PTCHD1: variants seen among roughly 807,000 people sequenced by gnomAD.
PTCHD1 encodes patched domain containing 1, also known as patched domain-containing protein 1.
In PTCHD1, 3 loss-of-function variants were observed where a neutral mutation model predicts 34.6. The observed-to-expected ratio is 0.09, with a 90% CI of 0.04 to 0.22. The LOEUF (loss-of-function observed/expected upper bound fraction) is 0.22. PTCHD1 is among the 10% of genes least tolerant of loss of function. The probability of loss-of-function intolerance (pLI) is 1.00; values close to 1 mark genes in which losing one functional copy is unlikely to be tolerated. For missense variants in PTCHD1, 504 were observed against 685.5 expected, an observed-to-expected ratio of 0.74 and a Z score of 2.96; for synonymous variants, 305 against 283.1, an observed-to-expected ratio of 1.08 and a Z score of -0.77.
chrX:23,397,388 C>A lies in PTCHD1; in HGVS notation c.*3203C>A, dbSNP rs1291738859. 2 of 112,311 alleles carry A rather than the reference C, an allele frequency of 1.8e-5. No individual in the cohort carries two copies. The highest frequency in any genetic ancestry group is 3.8e-5 in the Non-Finnish European group (2 of 53,317). 9.3% of individuals were successfully genotyped at this position (112,311 alleles called of 1,213,427 possible). A position where few individuals can be genotyped will look rare whatever the true frequency, so the allele number is the denominator to read the frequency against. On this transcript the variant is annotated 3_prime_UTR_variant, in exon 3 of 3. Coordinates refer to ENST00000379361, the MANE Select transcript of PTCHD1 (RefSeq NM_173495.3). Reference sequence around the variant, plus strand: ...TTCAACAAGCAGCATCAGGGCTCCTCAGGTTAAAAGAAGTACAGTTTGTTT... The same window carrying A: ...TTCAACAAGCAGCATCAGGGCTCCTAAGGTTAAAAGAAGTACAGTTTGTTT...
chrX:23,397,550 T>C lies in PTCHD1; in HGVS notation c.*3365T>C, dbSNP rs1352980841. On this transcript the variant is annotated 3_prime_UTR_variant, in exon 3 of 3. Coordinates refer to ENST00000379361, the MANE Select transcript of PTCHD1 (RefSeq NM_173495.3). Reference sequence around the variant, plus strand: ...TTTAATTTGGTTTGTGGTTTGTGTTTGCTTGTGTTTGCTTCTGCCTTTCCT... The same window carrying C: ...TTTAATTTGGTTTGTGGTTTGTGTTCGCTTGTGTTTGCTTCTGCCTTTCCT... The C allele has an allele frequency of 8.9e-6, 1 of 112,307 alleles. No homozygotes were observed. The highest frequency in any genetic ancestry group is 1.9e-5 in the Non-Finnish European group (1 of 53,287). The allele number at this position is 112,307 out of a possible 1,213,427, so 9.3% of individuals were successfully genotyped here.
At chrX:23,385,975 A>G (rs1569141411) in intron 2 of PTCHD1, among the ~76,000 whole-genome samples, 1 of 111,106 alleles carries the variant, frequency 9.0e-6, no homozygotes, top group South Asian at 3.7e-4. Flanking sequence ...AACATATATT[A>G]TGTAATATAT....
In PTCHD1 at chrX:23,342,292, ATATATATATATATATATATTTTT is replaced by A. The variant is rs1478916497; in HGVS notation, c.351+7068_351+7090del. Among the ~76,000 whole-genome samples, 46 of 7,059 alleles carry A rather than the reference ATATATATATATATATATATTTTT, an allele frequency of 6.5e-3. 1 individual carries two copies. The highest frequency in any genetic ancestry group is 0.047 in the African/African-American group (43 of 923). 6.1% of individuals were successfully genotyped at this position (7,059 alleles called of 115,157 possible). A position where few individuals can be genotyped will look rare whatever the true frequency, so the allele number is the denominator to read the frequency against. On this transcript the variant is annotated intron_variant, in intron 1 of 2. Transcript: ENST00000379361. ...TATATATATATATATATATATATAT[ATATATATATATATATATATTTTT>A]TTTTTTTTTTTTTTTTTAAAAGAAT...
intron 1 of PTCHD1, among the ~76,000 whole-genome samples, chrX:23,366,147 T>G (rs762868611): frequency 3.2e-4 from 36 of 112,232 alleles, no homozygotes; most frequent in African/African-American, 1.1e-3. Context: ...TCTGTCTCCT[T>G]CAAGCTAGTA....
At chrX:23,382,866 C>T (rs1430978733) in intron 2 of PTCHD1, among the ~76,000 whole-genome samples, 2 of 112,325 alleles carry the variant, frequency 1.8e-5, no homozygotes, top group Non-Finnish European at 3.8e-5. Context: ...ACACTTTGCA[C>T]GATGTAATGG....
intron 2 of PTCHD1, among the ~76,000 whole-genome samples, chrX:23,389,822 C>G (rs1167089416): frequency 9.0e-6 from 1 of 111,708 alleles, no homozygotes; most frequent in Non-Finnish European, 1.9e-5. Context: ...GCAAAAAGAG[C>G]CAGGACTCAA....
intron 2 of PTCHD1, among the ~76,000 whole-genome samples, chrX:23,384,442 G>T (rs1258063857): frequency 1.8e-5 from 2 of 111,971 alleles, no homozygotes; most frequent in Non-Finnish European, 3.8e-5. Flanking sequence ...TTTCTAATTT[G>T]CGGATTAGTG....
chrX:23,360,434 G>A (rs1262399842), intron 1 of PTCHD1, among the ~76,000 whole-genome samples: 1 of 112,021 alleles, frequency 8.9e-6, no homozygotes, highest in African/African-American at 3.2e-5. Context: ...GTTTATTTGT[G>A]TAGAGATGTT....
At chrX:23,334,584 G>A (rs1258826630), upstream of PTCHD1, 2 of 107,326 alleles carry the variant, frequency 1.9e-5, no homozygotes, top group Non-Finnish European at 3.9e-5. Context: ...GAGGGCGCAC[G>A]CGGTAGGGCG....
chrX:23,354,271 T>C (rs1921734235), intron 1 of PTCHD1, among the ~76,000 whole-genome samples: 1 of 110,745 alleles, frequency 9.0e-6, no homozygotes, highest in Non-Finnish European at 1.9e-5. Flanking sequence ...TTTCCATTTG[T>C]TTTATGTTGA....
chrX:23,380,439 C>A, intron 2 of PTCHD1, 188 bp downstream of exon 2: 2 of 504,438 alleles, frequency 4.0e-6, no homozygotes, highest in Non-Finnish European at 7.0e-6. Context: ...GGTAAATGTG[C>A]CAGAAGTTCA....
At chrX:23,387,676 T>A (rs903657420) in intron 2 of PTCHD1, among the ~76,000 whole-genome samples, 5 of 111,831 alleles carry the variant, frequency 4.5e-5, no homozygotes, top group Non-Finnish European at 7.5e-5. Context: ...AACCTCGAGC[T>A]GCCTCAGAGT....
chrX:23,401,630 A>G lies in PTCHD1; in HGVS notation c.*7445A>G, dbSNP rs1037829868. 1.8e-5 allele frequency: 2 copies of G among 113,383 alleles called. No individual in the cohort carries two copies. The highest frequency in any genetic ancestry group is 6.4e-5 in the African/African-American group (2 of 31,225). The allele number at this position is 113,383 out of a possible 1,213,427, so 9.3% of individuals were successfully genotyped here. Reference sequence around the variant, plus strand: ...ACATACACACATATCACAGATGTGCATGCACACATACACATGCACACCACC... The same window carrying G: ...ACATACACACATATCACAGATGTGCGTGCACACATACACATGCACACCACC... On this transcript the variant is annotated 3_prime_UTR_variant, in exon 3 of 3. Transcript: ENST00000379361.
intron 1 of PTCHD1, among the ~76,000 whole-genome samples, chrX:23,350,756 A>C (rs1177031960): frequency 1.8e-5 from 2 of 110,989 alleles, no homozygotes; most frequent in Non-Finnish European, 3.8e-5. Context: ...AAATTTACAA[A>C]ATAGGCAAAG....
rs150912089 is a variant in PTCHD1 at position 23,393,559 on chromosome X, G to A, written c.2041G>A (p.Val681Ile). 2.8e-5 allele frequency: 34 copies of A among 1,209,591 alleles called. No individual in the cohort carries two copies. Among genetic ancestry groups the A allele is most frequent in the East Asian group, 3.0e-5 (1 of 33,751 alleles). ...TGTCACCTCCAAGGTGAAGTTCATC[G>A]TCTTCAATCCGTCCTTTGTATACAT... is the stretch of plus-strand genomic sequence containing the variant. ...LSVTSKVKFIVFNPSFVYMDR... is the reference protein window; with the variant it reads ...LSVTSKVKFIIFNPSFVYMDR... The change falls in exon 3 of 3, where the codon GTC becomes ATC. Residue 681 changes from valine (V) to isoleucine (I), a missense_variant. By Grantham distance (29) the Val-to-Ile change is conservative (BLOSUM62 3). Transcript: ENST00000379361.
rs749138741 is a variant in PTCHD1 at position 23,403,653 on chromosome X, C to A, written c.*9468C>A. Reference sequence around the variant, plus strand: ...ATAGCAAGGCCCTTCTGAACATTAACAAGCCTAGATGTTTCTACTGCTTAT... The same window carrying A: ...ATAGCAAGGCCCTTCTGAACATTAAAAAGCCTAGATGTTTCTACTGCTTAT... On this transcript the variant is annotated 3_prime_UTR_variant, in exon 3 of 3. Transcript: ENST00000379361. 4.5e-5 allele frequency: 5 copies of A among 111,383 alleles called. No individual in the cohort carries two copies. In the South Asian group the frequency reaches 1.9e-3, roughly 43 times the overall value. 9.2% of individuals were successfully genotyped at this position (111,383 alleles called of 1,213,427 possible).
chrX:23,371,563 C>G (rs1350301412), intron 1 of PTCHD1, among the ~76,000 whole-genome samples: 1 of 111,220 alleles, frequency 9.0e-6, no homozygotes, highest in African/African-American at 3.3e-5. Context: ...TGTTAGTGCC[C>G]CAGTATTTCC....
chrX:23,361,550 T>C (rs1054919582), intron 1 of PTCHD1, among the ~76,000 whole-genome samples: 2 of 111,750 alleles, frequency 1.8e-5, no homozygotes, highest in Admixed American at 9.5e-5. Context: ...TGTCTCTGCA[T>C]GTGAGATGGG....
At chrX:23,383,220 T>C in intron 2 of PTCHD1, among the ~76,000 whole-genome samples, 1 of 112,362 alleles carries the variant, frequency 8.9e-6, no homozygotes, top group South Asian at 3.7e-4. Flanking sequence ...GTTATATAAA[T>C]ACAATATCAA....
Sources: gnomAD v4.1 joint callset for allele counts (sites outside exome capture counted in the v4.1 genomes callset) on GRCh38, gnomAD v4.1.1 for gene constraint, MANE v1.5 for transcripts, NCBI Gene and HGNC (gene_info 2026-07-23, HGNC 2026-07-21) for gene names.